Variants in TRIM37 observed in about 807,000 individuals in gnomAD.
TRIM37 encodes the protein tripartite motif containing 37, also known as E3 ubiquitin-protein ligase TRIM37.
Under a neutral mutation model 129.8 loss-of-function variants are expected in TRIM37, and 80 were observed. The observed-to-expected ratio is 0.62, with a 90% CI of 0.51 to 0.74. The LOEUF (loss-of-function observed/expected upper bound fraction) is 0.74. Among genes scored for constraint, TRIM37 ranks in the 30% least tolerant of loss-of-function variants. The pLI is 0.00. For synonymous variants in TRIM37, 389 were observed against 387.1 expected (o/e 1.00, Z -0.06); for missense variants, 1,054 against 1,176.5 (o/e 0.90, Z 1.52).
In TRIM37 at chr17:59,091,694, T is replaced by C. The variant is rs1166772694; in HGVS notation, c.124-354A>G. Among the ~76,000 whole-genome samples the C allele has an allele frequency of 8.3e-5, 12 of 144,044 alleles. 1 individual carries two copies. The highest frequency in any genetic ancestry group is 1.5e-4 in the Admixed American group (2 of 13,696). The allele number at this position is 144,044 out of a possible 152,430, so 94.5% of individuals were successfully genotyped here. On this transcript the variant is annotated intron_variant, in intron 2 of 23. Coordinates refer to ENST00000262294, the MANE Select transcript of TRIM37 (RefSeq NM_015294.6). ...TACAAATCTAATGGGTTTAACTCTC[T>C]AGTGCTTAGTTTTAGAGATACTTAT... is the stretch of plus-strand genomic sequence containing the variant.
At position 59,051,323 on chromosome 17, in the gene TRIM37, T is replaced by C. The variant is rs755178909; in HGVS notation, c.1205A>G (p.Gln402Arg). The change falls in exon 14 of 24, where the codon CAG (glutamine) becomes CGG (arginine). Residue 402 changes from glutamine (Q) to arginine (R), a missense_variant. Coordinates refer to ENST00000262294, the MANE Select transcript of TRIM37 (RefSeq NM_015294.6). ...TTGAAAGAAAGTTGGTGAACGTACC[T>C]GAAACCTTAAAAGAATTGTGCCACA... is the stretch of plus-strand genomic sequence containing the variant. ...PQNDTVILRF[Q>R]VRSPTFFQKS... 1.2e-6 allele frequency: 2 copies of C among 1,606,468 alleles called. No individual in the cohort carries two copies. Among genetic ancestry groups the C allele is most frequent in the African/African-American group, 1.3e-5 (1 of 74,716 alleles).
At chr17:58,991,709 G>C (rs918500979) in intron 24 of TRIM37, among the ~76,000 whole-genome samples, 1 of 152,118 alleles carries the variant, frequency 6.6e-6, no homozygotes, top group Non-Finnish European at 1.5e-5. Context: ...AAAAATGGCT[G>C]GTTAGCTCAG....
At chr17:58,974,227 A>C in the TRIM37 span, among the ~76,000 whole-genome samples, 1 of 152,210 alleles carries the variant, frequency 6.6e-6, no homozygotes, top group African/African-American at 2.4e-5. Flanking sequence ...TATTTTATCC[A>C]CATTCATTTT....
intron 10 of TRIM37, among the ~76,000 whole-genome samples, chr17:59,063,853 A>AGGAGAGG: frequency 6.6e-6 from 1 of 152,294 alleles, no homozygotes; most frequent in East Asian, 1.9e-4. Flanking sequence ...TCTCTTATTT[A>AGGAGAGG]AAATGGTTCC....
At chr17:59,012,283 C>A in intron 22 of TRIM37, 45 bp downstream of exon 22, 2 of 1,259,854 alleles carry the variant, frequency 1.6e-6, no homozygotes, top group Non-Finnish European at 2.3e-6. Context: ...AAAAAAGGGA[C>A]AGAATTCTCA....
chr17:58,992,196 CA>C (rs1390428801), intron 24 of TRIM37, among the ~76,000 whole-genome samples: 1 of 149,648 alleles, frequency 6.7e-6, no homozygotes, highest in Non-Finnish European at 1.5e-5. Context: ...GGGAGAGGCC[CA>C]AATGTGAAGG....
intron 1 of TRIM37, among the ~76,000 whole-genome samples, chr17:59,104,797 G>A (rs184021968): frequency 6.6e-6 from 1 of 151,994 alleles, no homozygotes; most frequent in Non-Finnish European, 1.5e-5. Flanking sequence ...ATGTATAACA[G>A]CAGGGAAAAA....
At chr17:58,980,938 T>C (rs1480750851), downstream of TRIM37, 2 of 1,613,996 alleles carry the variant, frequency 1.2e-6, no homozygotes, top group African/African-American at 1.3e-5. The surrounding 1 kb of genome is among the most constrained non-coding windows in gnomAD (Gnocchi z 4.7). Context: ...GGAGGCAAAA[T>C]AGTTGGAAAG....
rs1288391997 is a variant in TRIM37, at chr17:59,106,447, G to A, written c.15C>T (p.Ser5=). The A allele has an allele frequency of 1.3e-5, 21 of 1,613,962 alleles. No individual in the cohort carries two copies. The highest frequency in any genetic ancestry group is 1.5e-5 in the Non-Finnish European group (18 of 1,179,988). ...ACCCTCACAACCCCCTCACCTCCAC[G>A]CTCTGTTCATCCATTGCCTCCGGCT... The part of the protein sequence containing the change: MDEQ[S]VESIAEVFRC... The change falls in exon 1 of 24, where the codon AGC becomes AGT. Residue 5 remains serine, a synonymous_variant. Transcript: ENST00000262294.
At chr17:59,060,370 C>G (rs1413994410) in intron 12 of TRIM37, among the ~76,000 whole-genome samples, 2 of 148,264 alleles carry the variant, frequency 1.3e-5, no homozygotes, top group African/African-American at 5.0e-5. Context: ...ATGGGTAGAT[C>G]TCATCCCTCT....
intron 17 of TRIM37, among the ~76,000 whole-genome samples, chr17:59,034,121 G>T (rs944193907): frequency 3.3e-5 from 5 of 151,448 alleles, no homozygotes; most frequent in African/African-American, 1.2e-4. Context: ...AAAAAAAAAG[G>T]ATACGGAGGT....
At chr17:59,060,386 C>G (rs1811087273) in intron 12 of TRIM37, among the ~76,000 whole-genome samples, 1 of 145,318 alleles carries the variant, frequency 6.9e-6, no homozygotes, top group African/African-American at 2.6e-5. Context: ...CCTCTTGCTT[C>G]ATGTTAGCTG....
intron 18 of TRIM37, 69 bp downstream of exon 18, chr17:59,031,827 A>T: frequency 6.6e-7 from 1 of 1,504,404 alleles, no homozygotes; most frequent in Non-Finnish European, 9.2e-7. Context: ...TGAAATACTT[A>T]AATGAAAATC....
intron 22 of TRIM37, among the ~76,000 whole-genome samples, chr17:59,007,954 T>C (rs746554909): frequency 1.3e-5 from 2 of 152,210 alleles, no homozygotes; most frequent in Non-Finnish European, 2.9e-5. Context: ...ATAAAGAGTC[T>C]TGTTTTTCCT....
intron 8 of TRIM37, among the ~76,000 whole-genome samples, chr17:59,073,688 T>C (rs1171936936): frequency 6.6e-6 from 1 of 152,242 alleles, no homozygotes; most frequent in South Asian, 2.1e-4. Context: ...AAGCCTTGAA[T>C]TCCTGGGCTG....
chr17:59,032,609 T>C (rs1422580122), intron 17 of TRIM37, among the ~76,000 whole-genome samples: 1 of 150,652 alleles, frequency 6.6e-6, no homozygotes. Flanking sequence ...GTGGCCTCAT[T>C]AGTACTTAGA....
At chr17:58,984,397 T>A (rs2031600516) in intron 24 of TRIM37, 1 of 152,674 alleles carries the variant, frequency 6.5e-6, no homozygotes, top group African/African-American at 2.4e-5. Context: ...TTCAAGTGCT[T>A]CCTTCCCCAT....
rs758335208 is a variant in TRIM37 at position 59,028,774 on chromosome 17, A to G, written c.1949-51T>C. On this transcript the variant is annotated intron_variant, in intron 18 of 23. Transcript: ENST00000262294. ...TAACATAAACGTTAATATTAATGAA[A>G]TCATTTGTACCATGAATATATGCAA... 5 of 1,593,652 alleles carry G rather than the reference A, an allele frequency of 3.1e-6. No homozygotes were observed. The African/African-American group carries it at 6.7e-5, about 21-fold the overall frequency.
chr17:59,097,981 C>T (rs2045068126), intron 2 of TRIM37, among the ~76,000 whole-genome samples: 1 of 152,070 alleles, frequency 6.6e-6, no homozygotes, highest in Admixed American at 6.6e-5. Flanking sequence ...TCAAGGGATG[C>T]CAAATAGTCA....
Sources: allele counts gnomAD v4.1 joint callset (sites outside exome capture counted in the v4.1 genomes callset), GRCh38; gene constraint gnomAD v4.1.1; non-coding constraint Gnocchi (gnomAD v3.1); transcripts MANE v1.5; gene names NCBI Gene and HGNC (gene_info 2026-07-23, HGNC 2026-07-21).